PRKCB: variants seen among roughly 807,000 people sequenced by gnomAD.
The protein encoded by PRKCB is protein kinase C beta.
In PRKCB, 13 loss-of-function variants were observed where a neutral mutation model predicts 81.5. That is an observed-to-expected ratio of 0.16 (90% CI 0.10 to 0.25). PRKCB has a LOEUF of 0.25. Among genes scored for constraint, PRKCB ranks in the 10% least tolerant of loss-of-function variants. PRKCB has a pLI of 1.00. For missense variants in PRKCB, 509 were observed against 875.7 expected (o/e 0.58, Z 5.29); for synonymous variants, 335 against 321.4 (o/e 1.04, Z -0.45).
intron 10 of PRKCB, among the ~76,000 whole-genome samples, chr16:24,165,172 C>T (rs1038818914): frequency 6.6e-6 from 1 of 152,208 alleles, no homozygotes; most frequent in Non-Finnish European, 1.5e-5. Context: ...TCCTGAGTAG[C>T]TGAGACTACA....
At chr16:24,179,467 C>A (rs1967585624) in intron 12 of PRKCB, among the ~76,000 whole-genome samples, 1 of 152,198 alleles carries the variant, frequency 6.6e-6, no homozygotes, top group African/African-American at 2.4e-5. Flanking sequence ...ATCGGATTTC[C>A]CCATCTTCTA....
intron 5 of PRKCB, among the ~76,000 whole-genome samples, chr16:24,089,586 TAGAG>T (rs1818889028): frequency 6.6e-6 from 1 of 152,118 alleles, no homozygotes; most frequent in Non-Finnish European, 1.5e-5. Context: ...CTGGGCAACA[TAGAG>T]AGACCCCCAC....
At chr16:24,035,234 G>C (rs1403028814) in intron 4 of PRKCB, among the ~76,000 whole-genome samples, 185 bp from the exon 5 acceptor site, 6 of 152,204 alleles carry the variant, frequency 3.9e-5, no homozygotes, top group Admixed American at 3.9e-4. Flanking sequence ...AGGGTTCAGG[G>C]GGAAGAGTTG....
In PRKCB at chr16:24,000,334, G is replaced by A. The variant is rs117158665; in HGVS notation, c.288+11744G>A. Among the ~76,000 whole-genome samples, 166 of 152,258 alleles carry A rather than the reference G, an allele frequency of 1.1e-3. 3 individuals carry two copies. The East Asian group carries it at 0.027, about 25-fold the overall frequency. On this transcript the variant is annotated intron_variant, in intron 3 of 16. Coordinates refer to ENST00000643927, the MANE Select transcript of PRKCB (RefSeq NM_002738.7). The stretch of plus-strand genomic sequence containing the variant: ...ACCTAATTTATTCCCTGCCTCAATC[G>A]CCAGTGGACTTAACCACCTCTAGCT...
chr16:24,029,814 G>A (rs1965528793), intron 3 of PRKCB, among the ~76,000 whole-genome samples: 1 of 152,208 alleles, frequency 6.6e-6, no homozygotes, highest in Admixed American at 6.5e-5. Context: ...GGAAGAAACT[G>A]GTAGCATGTA....
At chr16:24,149,629 T>C (rs572814691) in intron 9 of PRKCB, among the ~76,000 whole-genome samples, 2 of 152,316 alleles carry the variant, frequency 1.3e-5, no homozygotes, top group East Asian at 3.9e-4. Flanking sequence ...CCAGAGCTCC[T>C]GAAGGAGAGG....
chr16:24,010,274 G>A (rs776259529), intron 3 of PRKCB, among the ~76,000 whole-genome samples: 10 of 152,226 alleles, frequency 6.6e-5, no homozygotes, highest in Non-Finnish European at 1.0e-4. Flanking sequence ...CTGTTTAAAG[G>A]ATGAAGGTCT....
intron 3 of PRKCB, among the ~76,000 whole-genome samples, chr16:24,027,839 A>G (rs887542994): frequency 6.6e-6 from 1 of 152,182 alleles, no homozygotes; most frequent in Non-Finnish European, 1.5e-5. Context: ...GCGTGATCAT[A>G]GCTCACTGCA....
rs149190971 is a variant in PRKCB at position 24,020,910 on chromosome 16, C to T, written c.289-11226C>T. Among the ~76,000 whole-genome samples, 542 of 152,306 alleles carry T rather than the reference C, an allele frequency of 3.6e-3. 1 individual carries two copies. Among genetic ancestry groups the T allele is most frequent in the Non-Finnish European group, 5.4e-3 (368 of 68,030 alleles). On this transcript the variant is annotated intron_variant, in intron 3 of 16. Coordinates refer to ENST00000643927, the MANE Select transcript of PRKCB (RefSeq NM_002738.7). ...TTATTCCTGCAGTTTTACTTCAGCC[C>T]AACCAGATTTCAGCCCACCTGTGGG... is the stretch of plus-strand genomic sequence containing the variant.
At chr16:24,066,779 T>C (rs13333691) in intron 5 of PRKCB, among the ~76,000 whole-genome samples, 2,489 of 152,328 alleles carry the variant, frequency 0.016, 71 homozygotes, top group African/African-American at 0.056. Flanking sequence ...TGAGAAGTAC[T>C]GGTCAAGTAT....
intron 2 of PRKCB, among the ~76,000 whole-genome samples, chr16:23,917,928 C>A (rs1475178650): frequency 6.6e-6 from 1 of 152,180 alleles, no homozygotes; most frequent in Non-Finnish European, 1.5e-5. Flanking sequence ...CAACGCATTT[C>A]ACATTTGGTT....
chr16:24,010,825 A>G (rs1965193593), intron 3 of PRKCB, among the ~76,000 whole-genome samples: 1 of 151,976 alleles, frequency 6.6e-6, no homozygotes, highest in African/African-American at 2.4e-5. Flanking sequence ...ACCTTCACTT[A>G]TATTTGGTCA....
chr16:24,049,045 C>CTGTTTTTTTT (rs1965801894), intron 5 of PRKCB, among the ~76,000 whole-genome samples: 1 of 82,486 alleles, frequency 1.2e-5, no homozygotes, highest in African/African-American at 5.9e-5. Context: ...TCAAATTGGC[C>CTGTTTTTTTT]TGTTTTTTTT....
chr16:24,184,973 G>A (rs1967681097), intron 13 of PRKCB, 138 bp from the exon 14 acceptor site: 1 of 752,720 alleles, frequency 1.3e-6, no homozygotes, highest in African/African-American at 1.8e-5. Context: ...TGCAAAGCAT[G>A]TCTGTCATTC....
At chr16:23,963,083 T>C (rs1220556488) in intron 2 of PRKCB, 1 of 152,260 alleles carries the variant, frequency 6.6e-6, no homozygotes, top group African/African-American at 2.4e-5. Context: ...TTTCGTTCCG[T>C]TTTATGGCTG....
At chr16:24,070,697 T>C (rs185798149) in intron 5 of PRKCB, among the ~76,000 whole-genome samples, 1 of 152,282 alleles carries the variant, frequency 6.6e-6, no homozygotes, top group African/African-American at 2.4e-5. Context: ...AAACTGAGGC[T>C]CAGAGAGGTT....
chr16:23,953,343 C>T (rs1964308532), intron 2 of PRKCB, among the ~76,000 whole-genome samples: 1 of 152,180 alleles, frequency 6.6e-6, no homozygotes, highest in African/African-American at 2.4e-5. Flanking sequence ...TGAAAATGTG[C>T]ACAATCTGGC....
intron 7 of PRKCB, 62 bp from the exon 8 acceptor site, chr16:24,112,911 G>T: frequency 8.5e-7 from 1 of 1,182,716 alleles, no homozygotes; most frequent in South Asian, 1.3e-5. Flanking sequence ...TTCATATGCT[G>T]ATCAATAAAA....
chr16:23,928,567 A>G (rs1030728212), intron 2 of PRKCB, among the ~76,000 whole-genome samples: 1 of 152,248 alleles, frequency 6.6e-6, no homozygotes, highest in East Asian at 1.9e-4. Context: ...GTGAACATCC[A>G]TCACAGACAA....
Sources: gnomAD v4.1 joint callset for allele counts (sites outside exome capture counted in the v4.1 genomes callset) on GRCh38, gnomAD v4.1.1 for gene constraint, MANE v1.5 for transcripts, NCBI Gene and HGNC (gene_info 2026-07-23, HGNC 2026-07-21) for gene names.